LIAS: variants seen among roughly 807,000 people sequenced by gnomAD.
The protein encoded by LIAS is lipoic acid synthetase.
A neutral mutation model predicts 49.4 loss-of-function variants in LIAS; 36 were observed. The observed-to-expected ratio is 0.73, with a 90% CI of 0.56 to 0.96. LIAS has a LOEUF of 0.96. Ranked by LOEUF, LIAS falls within the 40% of genes least tolerant of loss-of-function variation. LIAS has a pLI of 0.00. For synonymous variants in LIAS, 145 were observed against 155.8 expected, an observed-to-expected ratio of 0.93 and a Z score of 0.52; for missense variants, 399 against 456.3, an observed-to-expected ratio of 0.87 and a Z score of 1.14.
At chr4:39,467,262 A>G (rs1377212481) in intron 6 of LIAS, 1 of 212,324 alleles carries the variant, frequency 4.7e-6, no homozygotes, top group East Asian at 9.8e-5. Flanking sequence ...TTAAAAGTCT[A>G]CTATATATAA....
Position 39,470,135 on chromosome 4 carries a change from A to AT in LIAS, c.855dup (p.Asp286Ter). The AT allele has an allele frequency of 6.2e-7, 1 of 1,613,778 alleles. No homozygotes were observed. The highest frequency in any genetic ancestry group is 8.5e-7 in the Non-Finnish European group (1 of 1,179,804). Reference sequence around the variant, plus strand: ...TCTATAATGTTGGGTTTAGGCGAGAATGATGAGCAAGTATATGCAACAATG... The same window carrying AT: ...TCTATAATGTTGGGTTTAGGCGAGAATTGATGAGCAAGTATATGCAACAATG... On this transcript the variant is annotated frameshift_variant, in exon 8 of 11. Transcript: ENST00000640888. LOFTEE classifies it high-confidence loss of function.
In LIAS at chr4:39,471,517, ATTTTTTTTTTTTT is replaced by A. The variant is rs766866733; in HGVS notation, c.954+226_954+238del. 0.15 allele frequency among the ~76,000 whole-genome samples: 11,105 copies of A among 75,022 alleles called. 624 individuals are homozygous for A. The highest frequency in any genetic ancestry group is 0.24 in the African/African-American group (4,950 of 20,904). 49.2% of individuals were successfully genotyped at this position (75,022 alleles called of 152,430 possible). Reference sequence around the variant, plus strand: ...TCCGGCTAAAATATACATATATATAATTTTTTTTTTTTTTTTTTTTTTTTTTTGAGACGGAGTC... The same window carrying A: ...TCCGGCTAAAATATACATATATATAATTTTTTTTTTTTTTGAGACGGAGTC... On this transcript the variant is annotated intron_variant, in intron 9 of 10. Coordinates refer to ENST00000640888, the MANE Select transcript of LIAS (RefSeq NM_006859.4).
rs914692897 is a variant in LIAS at position 39,477,207 on chromosome 4, G to T, written c.*92G>T. The T allele has an allele frequency of 2.0e-5, 19 of 945,064 alleles. No individual in the cohort carries two copies. The highest frequency in any genetic ancestry group is 3.1e-5 in the Non-Finnish European group (19 of 610,844). The allele number at this position is 945,064 out of a possible 1,614,324, so 58.5% of individuals were successfully genotyped here. ...GTGCCAGAATGCCTGGACTGCAGTG[G>T]ATGTGCCCCACCTCTTTGCTTAAAA... On this transcript the variant is annotated 3_prime_UTR_variant, in exon 11 of 11. Coordinates refer to ENST00000640888, the MANE Select transcript of LIAS (RefSeq NM_006859.4).
chr4:39,476,149 A>C (rs1745186571), intron 10 of LIAS: 1 of 152,246 alleles, frequency 6.6e-6, no homozygotes, highest in Non-Finnish European at 1.5e-5. Flanking sequence ...CTAACATAAA[A>C]GGAAGTAAAT....
intron 2 of LIAS, among the ~76,000 whole-genome samples, 194 bp from the exon 3 acceptor site, chr4:39,462,002 G>A (rs2109870059): frequency 6.6e-6 from 1 of 152,096 alleles, no homozygotes; most frequent in East Asian, 1.9e-4. Context: ...CATTATTGGT[G>A]TTTTCTAAAG....
chr4:39,474,511 C>T (rs549370715), intron 10 of LIAS, among the ~76,000 whole-genome samples: 140 of 151,926 alleles, frequency 9.2e-4, no homozygotes, highest in Non-Finnish European at 1.1e-3. Context: ...CTTGGGAGAC[C>T]GAGGCAGGAG....
Position 39,464,641 on chromosome 4 carries a change from G to A in LIAS, c.394-405G>A, listed in dbSNP as rs527540906. Among the ~76,000 whole-genome samples, 7 of 152,138 alleles carry A rather than the reference G, an allele frequency of 4.6e-5. No homozygotes were observed. In the South Asian group the frequency reaches 1.5e-3, roughly 32 times the overall value. ...CCTCCCTAAATACCTGAGGCTACAG[G>A]TACATGCCACTACACTAGCTAATTT... On this transcript the variant is annotated intron_variant, in intron 4 of 10. Coordinates refer to ENST00000640888, the MANE Select transcript of LIAS (RefSeq NM_006859.4).
At chr4:39,473,334 G>T in intron 10 of LIAS, 123 bp downstream of exon 10, 1 of 611,920 alleles carries the variant, frequency 1.6e-6, no homozygotes. Context: ...AGAGGGCGTA[G>T]TTTTTCTTCT....
Position 39,477,061 on chromosome 4 carries a change from A to C in LIAS, c.1067-2A>C. 1.9e-6 allele frequency: 3 copies of C among 1,568,942 alleles called. No homozygotes were observed. The highest frequency in any genetic ancestry group is 2.6e-6 in the Non-Finnish European group (3 of 1,149,056). On this transcript the variant is annotated splice_acceptor_variant, in intron 10 of 10. Coordinates refer to ENST00000640888, the MANE Select transcript of LIAS (RefSeq NM_006859.4). LOFTEE classifies it high-confidence loss of function. The stretch of plus-strand genomic sequence containing the variant: ...TAATGTGTTTTCCTTTTTCCTAAAT[A>C]GGTGAATTTTTCCTGAAAAATCTAG...
chr4:39,468,538 A>T (rs2109880712), intron 7 of LIAS: 1 of 144,394 alleles, frequency 6.9e-6, no homozygotes, highest in East Asian at 2.0e-4. Flanking sequence ...TATATTATAT[A>T]TATTCATATA....
intron 9 of LIAS, among the ~76,000 whole-genome samples, chr4:39,472,137 A>T (rs948294871): frequency 6.6e-6 from 1 of 152,092 alleles, no homozygotes; most frequent in African/African-American, 2.4e-5. Context: ...ACACACACAC[A>T]CACACACACA....
chr4:39,459,618 A>T (rs181599079), intron 1 of LIAS, among the ~76,000 whole-genome samples: 2 of 152,310 alleles, frequency 1.3e-5, no homozygotes, highest in Admixed American at 1.3e-4. Context: ...TTTGAGATAC[A>T]TGTGCAGACT....
intron 2 of LIAS, among the ~76,000 whole-genome samples, chr4:39,461,615 A>C (rs769638796): frequency 6.6e-6 from 1 of 152,224 alleles, no homozygotes; most frequent in Non-Finnish European, 1.5e-5. Context: ...TCATTCTCTT[A>C]TTAGAATAGT....
At chr4:39,462,318 C>T (rs772887115) in intron 3 of LIAS, 29 bp downstream of exon 3, 56 of 1,105,812 alleles carry the variant, frequency 5.1e-5, no homozygotes, top group Non-Finnish European at 1.9e-5. Context: ...AACTATCCCT[C>T]TTCACCAAAA....
At chr4:39,459,830 T>G (rs899116954) in intron 1 of LIAS, among the ~76,000 whole-genome samples, 8 of 151,902 alleles carry the variant, frequency 5.3e-5, no homozygotes, top group African/African-American at 1.5e-4. Context: ...CGTGGTGGCG[T>G]GCGCCTGTAG....
At chr4:39,466,748 A>G (rs1744773632) in intron 6 of LIAS, 1 of 152,094 alleles carries the variant, frequency 6.6e-6, no homozygotes, top group East Asian at 1.9e-4. Flanking sequence ...ATGTTCTTTG[A>G]ATATCTCTTA....
Position 39,463,728 on chromosome 4 carries a change from G to T in LIAS, c.393+123G>T, listed in dbSNP as rs893701367. 8.9e-6 allele frequency: 12 copies of T among 1,354,060 alleles called. 1 individual carries two copies. In the South Asian group the frequency reaches 1.7e-4, roughly 19 times the overall value. 83.9% of individuals were successfully genotyped at this position (1,354,060 alleles called of 1,614,324 possible). On this transcript the variant is annotated intron_variant, in intron 4 of 10. Transcript: ENST00000640888. ...GATTTTTCATTACATTTGCATTTATGAAAAATATTAAGAAAAAACCTGATG... is the reference window on the plus strand; with the variant it reads ...GATTTTTCATTACATTTGCATTTATTAAAAATATTAAGAAAAAACCTGATG...
rs1745304227 is a variant in LIAS at position 39,479,038 on chromosome 4, A to G, written c.*1923A>G. 1.3e-5 allele frequency: 2 copies of G among 152,038 alleles called. No homozygotes were observed. The highest frequency in any genetic ancestry group is 4.8e-5 in the African/African-American group (2 of 41,386). The allele number at this position is 152,038 out of a possible 1,614,324, so 9.4% of individuals were successfully genotyped here. A position where few individuals can be genotyped will look rare whatever the true frequency, so the allele number is the denominator to read the frequency against. ...GCCTGGGCAACACAGTCAGACCCCC[A>G]TCTCTACCAAAAATACAAAAAATTA... On this transcript the variant is annotated 3_prime_UTR_variant, in exon 11 of 11. Coordinates refer to ENST00000640888, the MANE Select transcript of LIAS (RefSeq NM_006859.4).
chr4:39,459,232 A>G, intron 1 of LIAS, 70 bp downstream of exon 1: 1 of 1,391,894 alleles, frequency 7.2e-7, no homozygotes, highest in South Asian at 1.2e-5. Flanking sequence ...GCCCATGCCC[A>G]ATAATAAAGG....
Sources: gnomAD v4.1 joint callset for allele counts (sites outside exome capture counted in the v4.1 genomes callset) on GRCh38, gnomAD v4.1.1 for gene constraint, MANE v1.5 for transcripts, NCBI Gene and HGNC (gene_info 2026-07-23, HGNC 2026-07-21) for gene names.